Variants in ZFHX3 observed in about 807,000 individuals in gnomAD.
ZFHX3 encodes zinc finger homeobox 3, also known as zinc finger homeobox protein 3.
In ZFHX3, 42 loss-of-function variants were observed where a neutral mutation model predicts 279.1. The ratio of observed to expected loss-of-function variants is 0.15; its 90% CI spans 0.12 to 0.19. ZFHX3 has a LOEUF of 0.19. Among genes scored for constraint, ZFHX3 ranks in the 10% least tolerant of loss-of-function variants. The pLI is 1.00. For synonymous variants in ZFHX3, 2,293 were observed against 1,957.8 expected (o/e 1.17, Z -4.52); for missense variants, 4,981 against 4,754.0 (o/e 1.05, Z -1.40).
chr16:73,541,791 T>C (rs1032750856), intron 2 of ZFHX3, among the ~76,000 whole-genome samples: 30 of 75,108 alleles, frequency 4.0e-4, no homozygotes, highest in African/African-American at 1.9e-3. Context: ...GTTCTCTTTT[T>C]TTTTTTTTTT....
At chr16:73,696,003 G>A (rs907336348) in intron 1 of ZFHX3, among the ~76,000 whole-genome samples, 1 of 152,164 alleles carries the variant, frequency 6.6e-6, no homozygotes, top group Non-Finnish European at 1.5e-5. Flanking sequence ...TATAATTTGG[G>A]TTCTCCACAA....
At chr16:73,244,173 T>C (rs865852106) in intron 5 of ZFHX3, among the ~76,000 whole-genome samples, 3 of 152,134 alleles carry the variant, frequency 2.0e-5, no homozygotes, top group Non-Finnish European at 2.9e-5. Flanking sequence ...CACTGGTCCA[T>C]CGGAGGAGGG....
At chr16:73,164,733 C>T (rs1213136509) in intron 5 of ZFHX3, among the ~76,000 whole-genome samples, 1 of 151,018 alleles carries the variant, frequency 6.6e-6, no homozygotes, top group African/African-American at 2.4e-5. Flanking sequence ...TTGGAACCCA[C>T]ACCATCTATT....
chr16:73,386,166 CTCTT>C (rs1293643273), intron 3 of ZFHX3, among the ~76,000 whole-genome samples: 2 of 151,406 alleles, frequency 1.3e-5, no homozygotes, highest in Non-Finnish European at 3.0e-5. Flanking sequence ...CACTCTCGCT[CTCTT>C]TCTCTCTCTG....
At chr16:73,069,649 A>G in intron 8 of ZFHX3, among the ~76,000 whole-genome samples, 1 of 152,166 alleles carries the variant, frequency 6.6e-6, no homozygotes, top group African/African-American at 2.4e-5. Context: ...TGAAGACTAG[A>G]CTAGGACTCC....
intron 1 of ZFHX3, among the ~76,000 whole-genome samples, chr16:73,686,765 C>T (rs1346790177): frequency 2.0e-5 from 3 of 151,932 alleles, no homozygotes; most frequent in East Asian, 1.9e-4. Context: ...AGAATAGCTA[C>T]TCAGTTTGTA....
At position 73,197,541 on chromosome 16, in the gene ZFHX3, G is replaced by A. The variant is rs183794638; in HGVS notation, c.-1103-53710C>T. On this transcript the variant is annotated intron_variant, in intron 5 of 17. Transcript: ENST00000641206. ...AGGAGGTGAGGAAAGTCAACTAAGC[G>A]GATAATTCAAACCACCTAAACCACT... Among the ~76,000 whole-genome samples the A allele has an allele frequency of 5.3e-5, 8 of 152,276 alleles. No homozygotes were observed. In the East Asian group the frequency reaches 7.7e-4, roughly 15 times the overall value.
chr16:72,958,257 C>T lies in ZFHX3; in HGVS notation c.1889G>A (p.Gly630Glu), dbSNP rs199600043. Residue 630 changes from glycine to glutamate, a missense_variant, in exon 2 of 10, where the codon GGG becomes GAG. Gly to Glu is a moderately conservative substitution (Grantham distance 98, BLOSUM62 -2). This residue lies in a region of ZFHX3 where 1,068 missense variants were observed against 935.2 expected (regional missense o/e 1.14). Coordinates refer to ENST00000268489, the MANE Select transcript of ZFHX3 (RefSeq NM_006885.4). ...HQHAGSLCEL[G>E]VGECPSGSGV... ...ACTCCCCGAGGGGCACTCCCCAACC[C>T]CAAGCTCGCAGAGGGAGCCAGCGTG... 1.2e-6 allele frequency: 2 copies of T among 1,613,756 alleles called. No homozygotes were observed. The highest frequency in any genetic ancestry group is 1.3e-5 in the African/African-American group (1 of 74,928).
intron 4 of ZFHX3, among the ~76,000 whole-genome samples, chr16:73,290,645 T>C (rs541947644): frequency 6.6e-6 from 1 of 152,380 alleles, no homozygotes; most frequent in East Asian, 1.9e-4. Flanking sequence ...GATGGGTTTC[T>C]TCTACTATGC....
At chr16:73,695,074 A>G (rs1002082714) in intron 1 of ZFHX3, among the ~76,000 whole-genome samples, 1 of 152,188 alleles carries the variant, frequency 6.6e-6, no homozygotes, top group African/African-American at 2.4e-5. Flanking sequence ...TACACAAGGG[A>G]TTACAAAAGA....
rs75475876 is a variant in ZFHX3, at chr16:72,952,859, G to A, written c.2720-1894C>T. On this transcript the variant is annotated intron_variant, in intron 2 of 9. Coordinates refer to ENST00000268489, the MANE Select transcript of ZFHX3 (RefSeq NM_006885.4). ...CCTAGAAGCGTACGGTCAAGCAGAA[G>A]GCTGGGCACTGGCGTCTAGTTTCTC... Among the ~76,000 whole-genome samples, 996 of 152,318 alleles carry A rather than the reference G, an allele frequency of 6.5e-3. 13 individuals are homozygous for A. Among genetic ancestry groups the A allele is most frequent in the African/African-American group, 0.023 (959 of 41,566 alleles).
chr16:73,367,740 TG>T (rs2143331091), intron 3 of ZFHX3, among the ~76,000 whole-genome samples: 1 of 152,264 alleles, frequency 6.6e-6, no homozygotes, highest in East Asian at 1.9e-4. Flanking sequence ...ATCTGTAAAA[TG>T]GGTGGCATTA....
intron 8 of ZFHX3, among the ~76,000 whole-genome samples, chr16:73,069,042 G>A (rs1021623167): frequency 1.3e-5 from 2 of 152,202 alleles, no homozygotes; most frequent in Non-Finnish European, 1.5e-5. Flanking sequence ...ACTCCTCGCC[G>A]TGCTCGGCTG....
intron 4 of ZFHX3, among the ~76,000 whole-genome samples, chr16:72,844,982 T>C (rs1309126633): frequency 6.6e-6 from 1 of 151,434 alleles, no homozygotes; most frequent in Non-Finnish European, 1.5e-5. Flanking sequence ...CAGACAGAAC[T>C]GAAGGTGAAC....
rs1179357906 is a variant in ZFHX3 at position 73,345,023 on chromosome 16, C to T, written c.-1290-26687G>A. 2.0e-5 allele frequency among the ~76,000 whole-genome samples: 3 copies of T among 152,070 alleles called. No individual in the cohort carries two copies. In the East Asian group the frequency reaches 5.8e-4, roughly 29 times the overall value. On this transcript the variant is annotated intron_variant, in intron 3 of 17. Transcript: ENST00000641206. ...AGCTGCACCAACTTGCCCTGTATCC[C>T]TTGTCCTGTTCATGGAACTTCTCAG... is the stretch of plus-strand genomic sequence containing the variant.
rs746075627 is a variant in ZFHX3 at position 72,795,838 on chromosome 16, G to C, written c.6844C>G (p.Pro2282Ala). 5 of 1,614,182 alleles carry C rather than the reference G, an allele frequency of 3.1e-6. No homozygotes were observed. Among genetic ancestry groups the C allele is most frequent in the Middle Eastern group, 1.6e-4 (1 of 6,062 alleles). ...FEQLSNLLNL[P>A]TRVIVVWFQN... ...AACCACACCACTATCACTCGGGTTG[G>C]AAGGTTCAGTAAATTAGAGAGTTGC... Residue 2282 changes from proline to alanine, a missense_variant, in exon 9 of 10, where the codon CCA (proline) becomes GCA (alanine). Physicochemically the swap from Pro to Ala is conservative, Grantham distance 27. This residue lies in a region of ZFHX3 where 177 missense variants were observed against 244.2 expected (regional missense o/e 0.72). Coordinates refer to ENST00000268489, the MANE Select transcript of ZFHX3 (RefSeq NM_006885.4).
intron 1 of ZFHX3, among the ~76,000 whole-genome samples, chr16:73,872,249 T>C (rs1014162676): frequency 6.6e-6 from 1 of 152,104 alleles, no homozygotes; most frequent in Admixed American, 6.6e-5. Flanking sequence ...ATCCCTGTTT[T>C]TTTTTTTTCT....
At position 72,822,795 on chromosome 16, in the gene ZFHX3, GTTT is replaced by G. The variant is rs11365314; in HGVS notation, c.3529+6981_3529+6983del. 5.9e-3 allele frequency among the ~76,000 whole-genome samples: 537 copies of G among 90,444 alleles called. 3 individuals are homozygous for G. Among genetic ancestry groups the G allele is most frequent in the Non-Finnish European group, 8.0e-3 (376 of 47,056 alleles). 59.3% of individuals were successfully genotyped at this position (90,444 alleles called of 152,430 possible). On this transcript the variant is annotated intron_variant, in intron 5 of 9. Coordinates refer to ENST00000268489, the MANE Select transcript of ZFHX3 (RefSeq NM_006885.4). ...ATATGACAACACTTCTAGAAAGTGAGTTTTTTTTTTTTTTTTTTTTTGCATGTC... is the reference window on the plus strand; with the variant it reads ...ATATGACAACACTTCTAGAAAGTGAGTTTTTTTTTTTTTTTTTTGCATGTC...
intron 4 of ZFHX3, among the ~76,000 whole-genome samples, chr16:72,839,778 G>A (rs1479868411): frequency 6.6e-6 from 1 of 152,070 alleles, no homozygotes; most frequent in African/African-American, 2.4e-5. Context: ...GACAATGTGG[G>A]GGGGATGAAG....
Sources: allele counts gnomAD v4.1 joint callset (sites outside exome capture counted in the v4.1 genomes callset), GRCh38; gene constraint gnomAD v4.1.1; regional missense constraint gnomAD v4.1.1; transcripts MANE v1.5; gene names NCBI Gene and HGNC (gene_info 2026-07-23, HGNC 2026-07-21).